Variants in C5orf46 observed in about 807,000 individuals in gnomAD.
The protein encoded by C5orf46 is uncharacterized protein C5orf46.
A neutral mutation model predicts 8.9 loss-of-function variants in C5orf46; 9 were observed. That is an observed-to-expected ratio of 1.01 (90% confidence interval 0.61 to 1.76). C5orf46 has a LOEUF of 1.76. Among genes scored for constraint, C5orf46 ranks in the 40% most tolerant of loss-of-function variants. The probability of loss-of-function intolerance (pLI) is 0.00; values close to 1 mark genes in which losing one functional copy is unlikely to be tolerated. For synonymous variants in C5orf46, 47 were observed against 41.4 expected (o/e 1.14, Z -0.52); for missense variants, 98 against 107.8 (o/e 0.91, Z 0.40).
At position 147,905,236 on chromosome 5, in the gene C5orf46, G is replaced by T. The variant is rs1032850324; in HGVS notation, c.70+1196C>A. ...TATAATGTTCTTAATAAACAGTATT[G>T]CTGATATTTGTAGAGTTTTAATAGT... On this transcript the variant is annotated intron_variant, in intron 1 of 3. Coordinates refer to ENST00000318315, the MANE Select transcript of C5orf46 (RefSeq NM_206966.3). Among the ~76,000 whole-genome samples the T allele has an allele frequency of 3.3e-5, 5 of 152,052 alleles. No homozygotes were observed. In the East Asian group the frequency reaches 9.6e-4, roughly 29 times the overall value.
At chr5:147,902,397 G>A (rs1029141165) in intron 1 of C5orf46, among the ~76,000 whole-genome samples, 1 of 152,172 alleles carries the variant, frequency 6.6e-6, no homozygotes, top group African/African-American at 2.4e-5. Flanking sequence ...GCTGTAGTGA[G>A]CCATGATCGT....
downstream of C5orf46, among the ~76,000 whole-genome samples, chr5:147,889,255 G>A (rs1302271572): frequency 6.6e-6 from 1 of 152,066 alleles, no homozygotes; most frequent in Non-Finnish European, 1.5e-5. Flanking sequence ...ATTATTCAGT[G>A]ACAGTCAAGC....
chr5:147,905,944 T>A (rs1375780078), intron 1 of C5orf46, among the ~76,000 whole-genome samples: 1 of 152,214 alleles, frequency 6.6e-6, no homozygotes, highest in Non-Finnish European at 1.5e-5. Flanking sequence ...CCTTCCAATT[T>A]GTTTCATTCC....
intron 2 of C5orf46, among the ~76,000 whole-genome samples, chr5:147,901,086 GTC>G: frequency 6.6e-6 from 1 of 152,126 alleles, no homozygotes; most frequent in East Asian, 1.9e-4. Context: ...GTTATCTACT[GTC>G]TCTGCTAACC....
rs188951592 is a variant in C5orf46, at chr5:147,906,335, C to T, written c.70+97G>A. The T allele has an allele frequency of 1.0e-4, 70 of 679,802 alleles. No homozygotes were observed. In the African/African-American group the frequency reaches 1.2e-3, roughly 12 times the overall value. 42.1% of individuals were successfully genotyped at this position (679,802 alleles called of 1,614,324 possible). A position where few individuals can be genotyped will look rare whatever the true frequency, so the allele number is the denominator to read the frequency against. On this transcript the variant is annotated intron_variant, in intron 1 of 3. Transcript: ENST00000318315. ...GTGCTCTTTCTGGAGTGCCCAAAGA[C>T]CCCTTCTTTCTTTTATGTTCTGAAT... is the stretch of plus-strand genomic sequence containing the variant.
chr5:147,893,410 G>T (rs991578200), intron 3 of C5orf46, among the ~76,000 whole-genome samples: 9 of 149,996 alleles, frequency 6.0e-5, no homozygotes, highest in African/African-American at 2.2e-4. Context: ...TCAGCCTCCC[G>T]AGTAGCTGGG....
chr5:147,893,281 CTT>C (rs768391434), intron 3 of C5orf46, among the ~76,000 whole-genome samples: 1,310 of 127,606 alleles, frequency 0.01, 9 homozygotes, highest in African/African-American at 0.025. Context: ...TCACATAAAT[CTT>C]TTTTTTTTTT....
intron 1 of C5orf46, among the ~76,000 whole-genome samples, chr5:147,905,770 T>A (rs935895416): frequency 6.6e-6 from 1 of 152,226 alleles, no homozygotes; most frequent in African/African-American, 2.4e-5. Flanking sequence ...CCTGTATGTA[T>A]GCTCAAGTAA....
At chr5:147,890,526 G>A (rs1757487760), downstream of C5orf46, among the ~76,000 whole-genome samples, 2 of 152,108 alleles carry the variant, frequency 1.3e-5, no homozygotes, top group Admixed American at 1.3e-4. Context: ...TATATCCATA[G>A]GAGGAAAAAT....
intron 2 of C5orf46, chr5:147,887,431 T>C (rs998085094): frequency 2.0e-5 from 3 of 152,166 alleles, no homozygotes; most frequent in African/African-American, 7.2e-5. Flanking sequence ...TGTTCTGTCC[T>C]TAACTCTCTC....
At chr5:147,906,012 G>A (rs934247197) in intron 1 of C5orf46, among the ~76,000 whole-genome samples, 2 of 152,102 alleles carry the variant, frequency 1.3e-5, no homozygotes, top group Admixed American at 6.5e-5. Context: ...ATTTATATGT[G>A]AGGCCTAGAG....
chr5:147,905,863 G>A (rs907247440), intron 1 of C5orf46, among the ~76,000 whole-genome samples: 10 of 152,160 alleles, frequency 6.6e-5, no homozygotes, highest in African/African-American at 2.4e-4. Flanking sequence ...ATTACTATGA[G>A]AACCAAATGA....
At chr5:147,892,405 G>A (rs1757514560), downstream of C5orf46, among the ~76,000 whole-genome samples, 2 of 152,170 alleles carry the variant, frequency 1.3e-5, no homozygotes, top group African/African-American at 2.4e-5. Context: ...GCATAGGAGA[G>A]TGGGCTCAGA....
At chr5:147,903,371 T>C (rs962310505) in intron 1 of C5orf46, among the ~76,000 whole-genome samples, 1 of 152,216 alleles carries the variant, frequency 6.6e-6, no homozygotes, top group African/African-American at 2.4e-5. Flanking sequence ...GATTATTCAT[T>C]GCATATCAGA....
At chr5:147,900,009 A>G (rs971383624) in intron 2 of C5orf46, among the ~76,000 whole-genome samples, 2 of 152,202 alleles carry the variant, frequency 1.3e-5, no homozygotes, top group Non-Finnish European at 2.9e-5. Context: ...TGGTTAACAC[A>G]GAGAAAAATG....
downstream of C5orf46, among the ~76,000 whole-genome samples, chr5:147,891,589 T>C (rs1249841858): frequency 6.6e-6 from 1 of 152,202 alleles, no homozygotes; most frequent in Non-Finnish European, 1.5e-5. Context: ...GTAGAGTATG[T>C]TTCTCACATA....
chr5:147,906,342 T>C, intron 1 of C5orf46, 90 bp downstream of exon 1: 1 of 782,762 alleles, frequency 1.3e-6, no homozygotes, highest in African/African-American at 1.8e-5. Flanking sequence ...AGACCCCTTC[T>C]TTCTTTTATG....
downstream of C5orf46, among the ~76,000 whole-genome samples, chr5:147,890,159 C>G (rs1284951021): frequency 6.6e-6 from 1 of 152,174 alleles, no homozygotes; most frequent in Non-Finnish European, 1.5e-5. Context: ...CTCTGTTATG[C>G]TGCACCGTGT....
intron 2 of C5orf46, chr5:147,887,707 T>C (rs2127121998): frequency 6.6e-6 from 1 of 152,162 alleles, no homozygotes; most frequent in East Asian, 1.9e-4. Context: ...ATAATAACAA[T>C]AAAGGAAAAG....
Sources: allele counts gnomAD v4.1 joint callset (sites outside exome capture counted in the v4.1 genomes callset), GRCh38; gene constraint gnomAD v4.1.1; transcripts MANE v1.5; gene names NCBI Gene and HGNC (gene_info 2026-07-23, HGNC 2026-07-21).